Variants in AKAP9 observed in about 807,000 individuals in gnomAD.
The protein encoded by AKAP9 is A-kinase anchoring protein 9.
AKAP9 carries 311 observed loss-of-function variants against 488.5 expected under a neutral mutation model. That is an observed-to-expected ratio of 0.64 (90% CI 0.58 to 0.70). The LOEUF (loss-of-function observed/expected upper bound fraction) is 0.70. AKAP9 is among the 30% of genes least tolerant of loss of function. The pLI is 0.00. For synonymous variants in AKAP9, 1,462 were observed against 1,483.5 expected (o/e 0.99, Z 0.33); for missense variants, 4,215 against 4,374.5 (o/e 0.96, Z 1.03).
intron 1 of AKAP9, among the ~76,000 whole-genome samples, chr7:91,949,591 A>C (rs951786467): frequency 6.6e-6 from 1 of 152,200 alleles, no homozygotes; most frequent in Non-Finnish European, 1.5e-5. Flanking sequence ...CTTTGTTGTC[A>C]TATTGACACC....
At chr7:92,091,917 GA>G (rs1742291206) in intron 38 of AKAP9, 1 of 152,072 alleles carries the variant, frequency 6.6e-6, no homozygotes, top group Admixed American at 6.5e-5. Context: ...TCAGTAATAT[GA>G]ATTGTAATGT....
At chr7:92,081,495 A>ATTT (rs1296911918) in intron 31 of AKAP9, among the ~76,000 whole-genome samples, 1,413 of 100,332 alleles carry the variant, frequency 0.014, 11 homozygotes, top group East Asian at 0.04. Context: ...ATATATATAT[A>ATTT]TATTTTTTTT....
intron 1 of AKAP9, among the ~76,000 whole-genome samples, chr7:91,957,752 C>A (rs1054176339): frequency 2.0e-5 from 3 of 152,144 alleles, no homozygotes; most frequent in African/African-American, 7.2e-5. Context: ...AAGTTCATTT[C>A]AGCAGACACA....
chr7:92,014,098 C>T (rs1287016259), intron 9 of AKAP9, 151 bp from the exon 10 acceptor site: 1 of 643,398 alleles, frequency 1.6e-6, no homozygotes, highest in Non-Finnish European at 2.7e-6. Flanking sequence ...GTTTCTGAGA[C>T]AATGTTGAGC....
At chr7:91,948,374 A>C (rs759565485) in intron 1 of AKAP9, among the ~76,000 whole-genome samples, 1 of 152,136 alleles carries the variant, frequency 6.6e-6, no homozygotes. Flanking sequence ...TAGTGACTGT[A>C]CCATTTTACC....
intron 8 of AKAP9, among the ~76,000 whole-genome samples, chr7:92,004,245 C>T (rs1472253746): frequency 6.6e-6 from 1 of 152,158 alleles, no homozygotes; most frequent in Non-Finnish European, 1.5e-5. Flanking sequence ...CGTGATGCCT[C>T]CAGCTTTGTT....
intron 8 of AKAP9, among the ~76,000 whole-genome samples, chr7:92,003,991 G>C (rs1336808807): frequency 6.6e-6 from 1 of 152,184 alleles, no homozygotes; most frequent in Non-Finnish European, 1.5e-5. Flanking sequence ...GCCAACAAGA[G>C]AGAGGTTTCT....
chr7:91,993,577 A>G (rs925294105), intron 5 of AKAP9, among the ~76,000 whole-genome samples: 2 of 152,226 alleles, frequency 1.3e-5, no homozygotes, highest in African/African-American at 4.8e-5. Context: ...CCTGGGCAAC[A>G]TTGGGAGTCC....
intron 1 of AKAP9, among the ~76,000 whole-genome samples, chr7:91,968,214 G>C (rs2130541005): frequency 6.6e-6 from 1 of 152,340 alleles, no homozygotes; most frequent in Admixed American, 6.5e-5. Flanking sequence ...AAAGTGCTGA[G>C]ATTACAGGTG....
rs568626378 is a variant in AKAP9 at position 92,045,129 on chromosome 7, A to G, written c.5284A>G (p.Lys1762Glu). ...CCTTGGGATTCTAGATAGATCTAGT[A>G]AAAGCCAGTCATCTGCCAGCCTAAT... is the stretch of plus-strand genomic sequence containing the variant. The part of the protein sequence containing the change: ...HVLGILDRSS[K>E]SQSSASLIWR... The change falls in exon 21 of 50, where the codon AAA becomes GAA. Residue 1762 changes from lysine to glutamate, a missense_variant. Lys to Glu is a moderately conservative substitution (Grantham distance 56). Around this residue, in one of 5 missense-constraint regions of AKAP9, gnomAD observed 2,361 missense variants for 2,430.0 expected, o/e 0.97. Transcript: ENST00000356239. 102 of 1,613,874 alleles carry G rather than the reference A, an allele frequency of 6.3e-5. No homozygotes were observed. In the Admixed American group the frequency reaches 1.6e-3, roughly 26 times the overall value.
At chr7:92,083,731 T>C (rs1457639943) in intron 33 of AKAP9, 76 bp downstream of exon 33, 2 of 1,510,140 alleles carry the variant, frequency 1.3e-6, no homozygotes, top group African/African-American at 1.4e-5. Flanking sequence ...TAATTCATTT[T>C]GTAGATGACA....
chr7:91,986,992 ATACT>A (rs1797180465), intron 3 of AKAP9, among the ~76,000 whole-genome samples: 2 of 152,214 alleles, frequency 1.3e-5, no homozygotes, highest in South Asian at 2.1e-4. Context: ...TTTTGGAAAG[ATACT>A]TATTCTTACA....
At chr7:92,056,601 CA>C (rs933790728) in intron 22 of AKAP9, among the ~76,000 whole-genome samples, 5 of 151,302 alleles carry the variant, frequency 3.3e-5, no homozygotes, top group African/African-American at 1.2e-4. Flanking sequence ...CCCTAATAAA[CA>C]AAAAATTTTT....
chr7:91,995,664 A>G lies in AKAP9; in HGVS notation c.794A>G (p.Gln265Arg). 3 of 1,614,178 alleles carry G rather than the reference A, an allele frequency of 1.9e-6. No individual in the cohort carries two copies. Among genetic ancestry groups the G allele is most frequent in the South Asian group, 2.2e-5 (2 of 91,078 alleles). Residue 265 changes from glutamine (Q) to arginine (R), a missense_variant, in exon 7 of 50, where the codon CAA becomes CGA. Coordinates refer to ENST00000356239, the MANE Select transcript of AKAP9 (RefSeq NM_005751.5). ...THSSTAADLLQAKQQILTHQQ... is the reference protein window; with the variant it reads ...THSSTAADLLRAKQQILTHQQ... ...AGTAGCACAGCTGCAGACTTACTAC[A>G]AGCCAAACAACAGATCCTCACTCAT...
intron 16 of AKAP9, among the ~76,000 whole-genome samples, chr7:92,035,092 C>T (rs1231746319): frequency 6.6e-6 from 1 of 152,238 alleles, no homozygotes; most frequent in East Asian, 1.9e-4. Flanking sequence ...CATAGCGTTA[C>T]AGCTTTAAAC....
Position 92,077,677 on chromosome 7 carries a change from T to A in AKAP9, c.6766-19T>A. On this transcript the variant is annotated intron_variant, in intron 29 of 49. Coordinates refer to ENST00000356239, the MANE Select transcript of AKAP9 (RefSeq NM_005751.5). ...TAGGTAATGATATATCCAACTGTGA[T>A]AATTATTTTTGTTCCTAGGATGACA... 6.2e-7 allele frequency: 1 copy of A among 1,607,220 alleles called. No homozygotes were observed. The highest frequency in any genetic ancestry group is 8.5e-7 in the Non-Finnish European group (1 of 1,174,046).
chr7:92,059,677 A>G (rs1226664847), intron 22 of AKAP9, among the ~76,000 whole-genome samples: 1 of 151,136 alleles, frequency 6.6e-6, no homozygotes, highest in Non-Finnish European at 1.5e-5. Flanking sequence ...TATTTACTAG[A>G]TAGTCATTAT....
In AKAP9 at chr7:92,012,460, G is replaced by T. The variant is rs546600149; in HGVS notation, c.3350G>T (p.Arg1117Leu). ...NDLRLQMEAQRICLSLVYSTH... is the reference protein window; with the variant it reads ...NDLRLQMEAQLICLSLVYSTH... ...TTAAGGCTACAGATGGAAGCCCAAC[G>T]CATTTGCCTCTCTCTGGTTTATTCA... Residue 1117 changes from arginine to leucine, a missense_variant, in exon 9 of 50, where the codon CGC (arginine) becomes CTC (leucine). This residue lies in a region of AKAP9 where 2,361 missense variants were observed against 2,430.0 expected (regional missense o/e 0.97). Transcript: ENST00000356239. 6.2e-7 allele frequency: 1 copy of T among 1,613,868 alleles called. No homozygotes were observed. The highest frequency in any genetic ancestry group is 8.5e-7 in the Non-Finnish European group (1 of 1,179,954).
chr7:92,041,799 A>T, intron 18 of AKAP9: 2 of 379,888 alleles, frequency 5.3e-6, no homozygotes, highest in South Asian at 8.2e-5. Context: ...TTAATTTTCA[A>T]TGCAAAATTG....
Sources: gnomAD v4.1 joint callset for allele counts (sites outside exome capture counted in the v4.1 genomes callset) on GRCh38, gnomAD v4.1.1 for gene constraint, gnomAD v4.1.1 regional missense constraint, MANE v1.5 for transcripts, NCBI Gene and HGNC (gene_info 2026-07-23, HGNC 2026-07-21) for gene names.